The following MLLT1 variants were observed in gnomAD, a reference collection of about 807,000 sequenced individuals.
The protein encoded by MLLT1 is MLLT1 super elongation complex subunit.
In MLLT1, 11 loss-of-function variants were observed where a neutral mutation model predicts 55.1. That is an observed-to-expected ratio of 0.20 (90% CI 0.13 to 0.33). The LOEUF (loss-of-function observed/expected upper bound fraction) is 0.33, where lower values mean the gene tolerates loss of function less well. Among genes scored for constraint, MLLT1 ranks in the 10% least tolerant of loss-of-function variants. The pLI is 1.00. For missense variants in MLLT1, 536 were observed against 760.6 expected (o/e 0.70, Z 3.47); for synonymous variants, 323 against 320.1 (o/e 1.01, Z -0.10).
At chr19:6,221,951 C>T (rs1214971262) in intron 6 of MLLT1, among the ~76,000 whole-genome samples, 170 bp downstream of exon 6, 1 of 152,216 alleles carries the variant, frequency 6.6e-6, no homozygotes, top group Non-Finnish European at 1.5e-5. Flanking sequence ...ACAGGGAAAC[C>T]GAAGCCTAGT....
rs1333586115 is a variant in MLLT1, at chr19:6,212,006, G to A, written c.*1036C>T. 9.4e-7 allele frequency: 1 copy of A among 1,065,682 alleles called. No homozygotes were observed. Among genetic ancestry groups the A allele is most frequent in the African/African-American group, 1.6e-5 (1 of 61,042 alleles). The allele number at this position is 1,065,682 out of a possible 1,614,324, so 66.0% of individuals were successfully genotyped here. On this transcript the variant is annotated 3_prime_UTR_variant, in exon 12 of 12. Transcript: ENST00000252674. ...GCCCACGCTCGAGGGGCTGACCAGA[G>A]TTCAATGCGCCTCAGAAAACTCCAT...
chr19:6,251,766 C>T (rs80040062), intron 3 of MLLT1, among the ~76,000 whole-genome samples: 3,178 of 133,336 alleles, frequency 0.024, 113 homozygotes, highest in East Asian at 0.13. Flanking sequence ...CTCTACCTCC[C>T]ACCAAAAAAA....
intron 3 of MLLT1, among the ~76,000 whole-genome samples, chr19:6,253,362 A>G (rs1281435055): frequency 6.6e-6 from 1 of 151,962 alleles, no homozygotes; most frequent in Non-Finnish European, 1.5e-5. Flanking sequence ...CCCACAAAGA[A>G]AAGTCCAAGA....
rs534626477 is a variant in MLLT1 at position 6,230,079 on chromosome 19, G to A, written c.420+491C>T. 6.6e-6 allele frequency among the ~76,000 whole-genome samples: 1 copy of A among 152,186 alleles called. No homozygotes were observed. Among genetic ancestry groups the A allele is most frequent in the Admixed American group, 6.5e-5 (1 of 15,296 alleles). On this transcript the variant is annotated intron_variant, in intron 4 of 11. Coordinates refer to ENST00000252674, the MANE Select transcript of MLLT1 (RefSeq NM_005934.4). The surrounding 1 kb of genome is among the most constrained non-coding windows in gnomAD (Gnocchi z 9.0). The stretch of plus-strand genomic sequence containing the variant: ...CAAGAGCCCTCGTGGGGAACTCTGA[G>A]CCCCCACAGGGTCCGGAGGGCTCGA...
rs1056967950 is a variant in MLLT1 at position 6,273,200 on chromosome 19, T to G, written c.13-2441A>C. 2.6e-5 allele frequency among the ~76,000 whole-genome samples: 4 copies of G among 151,286 alleles called. No homozygotes were observed. The highest frequency in any genetic ancestry group is 9.7e-5 in the African/African-American group (4 of 41,088). On this transcript the variant is annotated intron_variant, in intron 1 of 11. Transcript: ENST00000252674. This position sits in a 1 kb window ranked among gnomAD's most constrained non-coding sequence, Gnocchi z 4.3. ...CCGGCCCTCTGTGTAAGGCCTGGGG[T>G]GCAGGCAGAAAAGGGCGAATGGCAA...
rs1039733431 is a variant in MLLT1, at chr19:6,216,706, G to A, written c.1199-193C>T. ...CACCGGCAGCCACCCGCTTCCCCTA[G>A]AACGCCCTGGCTCCCCCACCCCTCC... On this transcript the variant is annotated intron_variant, in intron 7 of 11. Transcript: ENST00000252674. 60 of 563,406 alleles carry A rather than the reference G, an allele frequency of 1.1e-4. 2 individuals carry two copies. Among genetic ancestry groups the A allele is most frequent in the Non-Finnish European group, 1.4e-4 (43 of 317,378 alleles). The allele number at this position is 563,406 out of a possible 1,614,324, so 34.9% of individuals were successfully genotyped here.
chr19:6,274,168 G>T (rs1424443038), intron 1 of MLLT1, among the ~76,000 whole-genome samples: 1 of 152,228 alleles, frequency 6.6e-6, no homozygotes, highest in Non-Finnish European at 1.5e-5. Context: ...GCACCCAGGG[G>T]ACTGTGGAGC....
chr19:6,218,852 G>C (rs1393653184), intron 6 of MLLT1, among the ~76,000 whole-genome samples: 2 of 152,224 alleles, frequency 1.3e-5, no homozygotes, highest in Non-Finnish European at 2.9e-5. Context: ...CTCATCCCAA[G>C]GGGTGTGCCA....
intron 3 of MLLT1, among the ~76,000 whole-genome samples, chr19:6,243,769 C>T (rs1695296423): frequency 6.6e-6 from 1 of 152,136 alleles, no homozygotes; most frequent in South Asian, 2.1e-4. Context: ...ATCGGCCGGG[C>T]ACGGTGGCTC....
chr19:6,259,230 G>A (rs78901013), intron 3 of MLLT1: 3,255 of 152,238 alleles, frequency 0.021, 121 homozygotes, highest in East Asian at 0.14. Context: ...ACCTCCCACC[G>A]AGGAGTAAGC....
At chr19:6,224,932 T>C (rs1343372213) in intron 5 of MLLT1, among the ~76,000 whole-genome samples, 1 of 152,172 alleles carries the variant, frequency 6.6e-6, no homozygotes, top group Non-Finnish European at 1.5e-5. Context: ...GGTTTCACCG[T>C]GTTAGCCAGG....
At chr19:6,267,757 G>A (rs2091360492) in intron 2 of MLLT1, among the ~76,000 whole-genome samples, 1 of 152,140 alleles carries the variant, frequency 6.6e-6, no homozygotes, top group Non-Finnish European at 1.5e-5. Flanking sequence ...TCTATAATCG[G>A]GGAGCGAAGG....
At chr19:6,244,043 CAAAA>C (rs1179461309) in intron 3 of MLLT1, among the ~76,000 whole-genome samples, 2 of 45,170 alleles carry the variant, frequency 4.4e-5, no homozygotes, top group African/African-American at 8.5e-5. Flanking sequence ...GACTCCACCT[CAAAA>C]AAAAAAAAAA....
rs1227315040 is a variant in MLLT1 at position 6,212,815 on chromosome 19, C to CCGGGGGGCGGCT, written c.*215_*226dup. Reference sequence around the variant, plus strand: ...GCTCTCTGAGGGGAGCCCAGAGAGCCCGGGGGGCGGCTCCCGTGTGGCCCA... The same window carrying CCGGGGGGCGGCT: ...GCTCTCTGAGGGGAGCCCAGAGAGCCCGGGGGGCGGCTCGGGGGGCGGCTCCCGTGTGGCCCA... On this transcript the variant is annotated 3_prime_UTR_variant, in exon 12 of 12. Transcript: ENST00000252674. 37 of 907,856 alleles carry CCGGGGGGCGGCT rather than the reference C, an allele frequency of 4.1e-5. No individual in the cohort carries two copies. In the Admixed American group the frequency reaches 5.5e-4, roughly 14 times the overall value. The allele number at this position is 907,856 out of a possible 1,614,324, so 56.2% of individuals were successfully genotyped here.
At position 6,262,099 on chromosome 19, in the gene MLLT1, G is replaced by A. The variant is rs1254808623; in HGVS notation, c.276+129C>T. ...ATGGAGATGGTGACCAGCACCCCCC[G>A]CAGCACTCACTGGAATGTCTGTGCA... is the stretch of plus-strand genomic sequence containing the variant. On this transcript the variant is annotated intron_variant, in intron 3 of 11. Transcript: ENST00000252674. The surrounding 1 kb of genome is among the most constrained non-coding windows in gnomAD (Gnocchi z 4.4). 10 of 718,224 alleles carry A rather than the reference G, an allele frequency of 1.4e-5. No individual in the cohort carries two copies. Among genetic ancestry groups the A allele is most frequent in the Admixed American group, 4.3e-5 (2 of 46,900 alleles). The allele number at this position is 718,224 out of a possible 1,614,324, so 44.5% of individuals were successfully genotyped here.
At chr19:6,260,496 GGAT>G (rs1391466282) in intron 3 of MLLT1, among the ~76,000 whole-genome samples, 2 of 152,226 alleles carry the variant, frequency 1.3e-5, no homozygotes, top group Non-Finnish European at 2.9e-5. Flanking sequence ...TACTAAGCAA[GGAT>G]GACAAGCAGC....
intron 4 of MLLT1, among the ~76,000 whole-genome samples, chr19:6,228,505 C>T (rs2090974870): frequency 6.6e-6 from 1 of 152,170 alleles, no homozygotes; most frequent in Non-Finnish European, 1.5e-5. Flanking sequence ...GGGGCAGAGA[C>T]AAGACACGGT....
chr19:6,231,325 C>A lies in MLLT1; in HGVS notation c.277-612G>T, dbSNP rs1046152936. On this transcript the variant is annotated intron_variant, in intron 3 of 11. Coordinates refer to ENST00000252674, the MANE Select transcript of MLLT1 (RefSeq NM_005934.4). The surrounding 1 kb of genome is among the most constrained non-coding windows in gnomAD (Gnocchi z 5.1). ...GGCAGGCGCTGATGGATTTTCCGCA[C>A]GAAGGTGTGAGGAGTTGACAGGGTG... Among the ~76,000 whole-genome samples the A allele has an allele frequency of 6.6e-6, 1 of 152,036 alleles. No homozygotes were observed. The highest frequency in any genetic ancestry group is 1.5e-5 in the Non-Finnish European group (1 of 68,028).
intron 2 of MLLT1, among the ~76,000 whole-genome samples, chr19:6,264,468 G>C (rs1298680705): frequency 6.6e-6 from 1 of 151,984 alleles, no homozygotes; most frequent in East Asian, 1.9e-4. Context: ...GCTCCCACCA[G>C]GAGGAAAGAG....
Sources: gnomAD v4.1 joint callset for allele counts (sites outside exome capture counted in the v4.1 genomes callset) on GRCh38, gnomAD v4.1.1 for gene constraint, Gnocchi (gnomAD v3.1) non-coding constraint, MANE v1.5 for transcripts, NCBI Gene and HGNC (gene_info 2026-07-23, HGNC 2026-07-21) for gene names.